Variants in GFY observed in about 807,000 individuals in gnomAD.
The protein encoded by GFY is Golgi-associated olfactory signaling regulator.
A neutral mutation model predicts 29.1 loss-of-function variants in GFY; 28 were observed. The ratio of observed to expected loss-of-function variants is 0.96; its 90% confidence interval spans 0.71 to 1.32. The LOEUF (loss-of-function observed/expected upper bound fraction) is 1.32. Ranked by LOEUF, GFY falls within the 40% of genes most tolerant of loss-of-function variation. The pLI is 0.00. For synonymous variants in GFY, 277 were observed against 274.5 expected, an observed-to-expected ratio of 1.01 and a Z score of -0.09; for missense variants, 656 against 661.9, an observed-to-expected ratio of 0.99 and a Z score of 0.10.
In GFY at chr19:49,426,473, G is replaced by A. The variant is rs919159493; in HGVS notation, c.43G>A (p.Ala15Thr). ...SRILFLVFLL[A>T]GLRSKAAPSA... ...GATCCTCTTCCTCGTCTTCCTCCTC[G>A]CCGGCCTGAGGTCCAAGGCCGCTCC... Residue 15 changes from alanine to threonine, a missense_variant, in exon 2 of 4, where the codon GCC becomes ACC. Ala to Thr is a moderately conservative substitution (Grantham distance 58). Coordinates refer to ENST00000610896, the MANE Select transcript of GFY (RefSeq NM_001195256.2). 2 of 1,535,640 alleles carry A rather than the reference G, an allele frequency of 1.3e-6. No homozygotes were observed. The highest frequency in any genetic ancestry group is 1.2e-5 in the South Asian group (1 of 84,046).
At position 49,428,729 on chromosome 19, in the gene GFY, C is replaced by T; in HGVS notation, c.1468C>T (p.Pro490Ser). 6.5e-7 allele frequency: 1 copy of T among 1,528,074 alleles called. No individual in the cohort carries two copies. The highest frequency in any genetic ancestry group is 8.8e-7 in the Non-Finnish European group (1 of 1,142,766). The allele number at this position is 1,528,074 out of a possible 1,614,324, so 94.7% of individuals were successfully genotyped here. The change falls in exon 4 of 4, where the codon CCA (proline) becomes TCA (serine). Residue 490 changes from proline to serine, a missense_variant. Transcript: ENST00000610896. The stretch of plus-strand genomic sequence containing the variant: ...GCAGCCCCCGCCCACACCTCCTCTG[C>T]CACCAAAGCTGCCCCCGCCGCCCCG... ...TKQPPPTPPL[P>S]PKLPPPPRGG...
Position 49,428,757 on chromosome 19 carries a change from G to C in GFY, c.1496G>C (p.Gly499Ala). The C allele has an allele frequency of 6.6e-7, 1 of 1,514,880 alleles. No individual in the cohort carries two copies. The allele number at this position is 1,514,880 out of a possible 1,614,324, so 93.8% of individuals were successfully genotyped here. Residue 499 changes from glycine to alanine, a missense_variant, in exon 4 of 4, where the codon GGG becomes GCG. By Grantham distance (60) the Gly-to-Ala change is moderately conservative. Coordinates refer to ENST00000610896, the MANE Select transcript of GFY (RefSeq NM_001195256.2). Reference protein sequence around the residue: ...LPPKLPPPPRGGRPQRLEALS... With the variant: ...LPPKLPPPPRAGRPQRLEALS... ...CCAAAGCTGCCCCCGCCGCCCCGCG[G>C]GGGTCGCCCGCAGCGTCTGGAGGCC...
chr19:49,426,989 C>T lies in GFY; in HGVS notation c.559C>T (p.Leu187Phe), dbSNP rs933417663. 4 of 1,535,774 alleles carry T rather than the reference C, an allele frequency of 2.6e-6. No individual in the cohort carries two copies. Among genetic ancestry groups the T allele is most frequent in the African/African-American group, 2.7e-5 (2 of 72,914 alleles). Residue 187 changes from leucine (L) to phenylalanine (F), a missense_variant, in exon 2 of 4, where the codon CTT becomes TTT. Coordinates refer to ENST00000610896, the MANE Select transcript of GFY (RefSeq NM_001195256.2). Reference protein sequence around the residue: ...TPQESPEILQLNATEVSQAEL... With the variant: ...TPQESPEILQFNATEVSQAEL... ...CCAAGAATCCCCAGAGATTCTGCAG[C>T]TTAATGCCACTGAAGTCTCACAGGC...
In GFY at chr19:49,426,743, C is replaced by A; in HGVS notation, c.313C>A (p.Pro105Thr). ...CCCGCACCCAGAGTCTCCTGAGACC[C>A]CCAAAGCTGACTCACTCACAACCTC... ...ETPHPESPET[P>T]KADSLTTSIS... The change falls in exon 2 of 4, where the codon CCC becomes ACC. Residue 105 changes from proline (P) to threonine (T), a missense_variant. Physicochemically the swap from Pro to Thr is conservative, Grantham distance 38. Coordinates refer to ENST00000610896, the MANE Select transcript of GFY (RefSeq NM_001195256.2). The A allele has an allele frequency of 2.6e-6, 4 of 1,535,900 alleles. No homozygotes were observed. Among genetic ancestry groups the A allele is most frequent in the Non-Finnish European group, 3.5e-6 (4 of 1,146,836 alleles).
chr19:49,427,300 G>A lies in GFY; in HGVS notation c.870G>A (p.Val290=). Residue 290 remains valine, a synonymous_variant, in exon 2 of 4, where the codon GTG becomes GTA. Transcript: ENST00000610896. ...ISTSLYPETP[V]PFKDDATALN... ...CTAGTCTCTACCCAGAAACACCTGT[G>A]CCCTTCAAGGATGACGCCACTGCTC... The A allele has an allele frequency of 6.5e-7, 1 of 1,536,174 alleles. No individual in the cohort carries two copies. Among genetic ancestry groups the A allele is most frequent in the Non-Finnish European group, 8.7e-7 (1 of 1,146,914 alleles).
At chr19:49,428,585 G>A (rs556553274) in intron 3 of GFY, 34 bp from the exon 4 acceptor site, 187 of 1,422,288 alleles carry the variant, frequency 1.3e-4, no homozygotes, top group African/African-American at 3.9e-4. Context: ...TGGAGGGTCA[G>A]CCCAGAGATG....
At position 49,426,768 on chromosome 19, in the gene GFY, C is replaced by T; in HGVS notation, c.338C>T (p.Ser113Leu). 6.5e-7 allele frequency: 1 copy of T among 1,535,872 alleles called. No homozygotes were observed. Among genetic ancestry groups the T allele is most frequent in the Non-Finnish European group, 8.7e-7 (1 of 1,146,842 alleles). Residue 113 changes from serine (S) to leucine (L), a missense_variant, in exon 2 of 4, where the codon TCA (serine) becomes TTA (leucine). Coordinates refer to ENST00000610896, the MANE Select transcript of GFY (RefSeq NM_001195256.2). ...CCCAAAGCTGACTCACTCACAACCTCAATATCAGAATCCCTGGACATGCCC... is the reference window on the plus strand; with the variant it reads ...CCCAAAGCTGACTCACTCACAACCTTAATATCAGAATCCCTGGACATGCCC... ...ETPKADSLTT[S>L]ISESLDMPKT...
At chr19:49,426,154 C>A (rs956514892) in intron 1 of GFY, among the ~76,000 whole-genome samples, 4 of 152,220 alleles carry the variant, frequency 2.6e-5, no homozygotes, top group Admixed American at 2.6e-4. Flanking sequence ...TTTTCTAGGA[C>A]CCCTCGCTGA....
In GFY at chr19:49,427,077, A is replaced by G. The variant is rs1975083268; in HGVS notation, c.647A>G (p.Lys216Arg). The change falls in exon 2 of 4, where the codon AAG (lysine) becomes AGG (arginine). Residue 216 changes from lysine (K) to arginine (R), a missense_variant. Transcript: ENST00000610896. ...TKTPDPKSPE[K>R]HDLNSTETPN... The stretch of plus-strand genomic sequence containing the variant: ...ACCCCTGACCCCAAATCCCCAGAAA[A>G]GCATGACCTCAACTCCACTGAGACC... 1 of 1,535,192 alleles carries G rather than the reference A, an allele frequency of 6.5e-7. No individual in the cohort carries two copies.
Position 49,427,576 on chromosome 19 carries a change from C to T in GFY, c.1146C>T (p.Val382=), listed in dbSNP as rs1456044237. 2.9e-5 allele frequency: 43 copies of T among 1,489,412 alleles called. No homozygotes were observed. Among genetic ancestry groups the T allele is most frequent in the Non-Finnish European group, 3.8e-5 (43 of 1,126,730 alleles). The allele number at this position is 1,489,412 out of a possible 1,614,324, so 92.3% of individuals were successfully genotyped here. ...AGAGGCACAGCCGAGGTGAGGGAGT[C>T]AACACCATCATCGTGGTGGAGCGAG... ...APQRHSRGEG[V]NTIIVVERVK... is the part of the protein sequence containing the mutation. Residue 382 remains valine (V), a synonymous_variant, in exon 2 of 4, where the codon GTC becomes GTT. Transcript: ENST00000610896.
chr19:49,428,143 C>A, intron 3 of GFY, 24 bp downstream of exon 3: 2 of 1,519,206 alleles, frequency 1.3e-6, no homozygotes, highest in Non-Finnish European at 1.8e-6. Context: ...CCCTTGAATG[C>A]CTGCACTTTT....
rs1568631926 is a variant in GFY, at chr19:49,427,548, C to T, written c.1118C>T (p.Pro373Leu). The T allele has an allele frequency of 1.3e-6, 2 of 1,509,826 alleles. No individual in the cohort carries two copies. Among genetic ancestry groups the T allele is most frequent in the South Asian group, 1.3e-5 (1 of 79,168 alleles). 93.5% of individuals were successfully genotyped at this position (1,509,826 alleles called of 1,614,324 possible). ...SQLAPATLRAPQRHSRGEGVN... is the reference protein window; with the variant it reads ...SQLAPATLRALQRHSRGEGVN... ...TTGGCCCCTGCCACTCTGCGGGCAC[C>T]CCAGAGGCACAGCCGAGGTGAGGGA... The change falls in exon 2 of 4, where the codon CCC (proline) becomes CTC (leucine). Residue 373 changes from proline (P) to leucine (L), a missense_variant. By Grantham distance (98) the Pro-to-Leu change is moderately conservative (BLOSUM62 -3). Transcript: ENST00000610896.
intron 2 of GFY, 24 bp downstream of exon 2, chr19:49,427,637 T>C (rs1975092193): frequency 2.5e-6 from 3 of 1,207,752 alleles, no homozygotes; most frequent in Non-Finnish European, 3.1e-6. Flanking sequence ...GCCGGACTCC[T>C]GAGTCTGAGG....
upstream of GFY, among the ~76,000 whole-genome samples, chr19:49,424,573 G>A (rs768176538): frequency 1.1e-4 from 16 of 149,860 alleles, no homozygotes; most frequent in East Asian, 2.1e-4. Flanking sequence ...GGCCTCAGCC[G>A]GGTGCTGTGG....
Position 49,428,759 on chromosome 19 carries a change from GGTCGCCCGCAGCGTCTGGAGGCCCT to G in GFY, c.1502_1526del (p.Arg501ProfsTer?). 1.3e-6 allele frequency: 2 copies of G among 1,514,002 alleles called. No individual in the cohort carries two copies. The highest frequency in any genetic ancestry group is 1.8e-6 in the Non-Finnish European group (2 of 1,136,248). The allele number at this position is 1,514,002 out of a possible 1,614,324, so 93.8% of individuals were successfully genotyped here. A position where few individuals can be genotyped will look rare whatever the true frequency, so the allele number is the denominator to read the frequency against. ...AAAGCTGCCCCCGCCGCCCCGCGGGGGTCGCCCGCAGCGTCTGGAGGCCCTGTCCCCCGCCACGCTCCCCAACAAC... is the reference window on the plus strand; with the variant it reads ...AAAGCTGCCCCCGCCGCCCCGCGGGGGTCCCCCGCCACGCTCCCCAACAAC... On this transcript the variant is annotated frameshift_variant, in exon 4 of 4. Transcript: ENST00000610896. LOFTEE classifies it high-confidence loss of function.
At position 49,427,982 on chromosome 19, in the gene GFY, G is replaced by A. The variant is rs1975098714; in HGVS notation, c.1220G>A (p.Gly407Asp). Reference sequence around the variant, plus strand: ...GTGGGGCGACCACGTGGCGCAGCAGGCGGGGCCCTCTGCCTGTTCTTCGCG... The same window carrying A: ...GTGGGGCGACCACGTGGCGCAGCAGACGGGGCCCTCTGCCTGTTCTTCGCG... ...TLVGRPRGAA[G>D]GALCLFFAGT... is the part of the protein sequence containing the mutation. The change falls in exon 3 of 4, where the codon GGC (glycine) becomes GAC (aspartate). Residue 407 changes from glycine to aspartate, a missense_variant. Physicochemically the swap from Gly to Asp is moderately conservative, Grantham distance 94. Coordinates refer to ENST00000610896, the MANE Select transcript of GFY (RefSeq NM_001195256.2). 6.5e-7 allele frequency: 1 copy of A among 1,535,514 alleles called. No homozygotes were observed. The highest frequency in any genetic ancestry group is 1.4e-5 in the African/African-American group (1 of 73,052).
At chr19:49,427,909 G>A (rs1412518604) in intron 2 of GFY, 37 bp from the exon 3 acceptor site, 2 of 1,513,682 alleles carry the variant, frequency 1.3e-6, no homozygotes, top group Non-Finnish European at 1.8e-6. Context: ...GAGAGAGGAG[G>A]GGGTTAGGAG....
Position 49,427,409 on chromosome 19 carries a change from C to A in GFY, c.979C>A (p.Pro327Thr). The part of the protein sequence containing the change: ...DSPKLPTSDS[P>T]GMVELKAPQN... ...CCCAAAATTGCCCACTTCAGATTCTCCAGGAATGGTTGAGCTGAAGGCCCC... is the reference window on the plus strand; with the variant it reads ...CCCAAAATTGCCCACTTCAGATTCTACAGGAATGGTTGAGCTGAAGGCCCC... The change falls in exon 2 of 4, where the codon CCA (proline) becomes ACA (threonine). Residue 327 changes from proline (P) to threonine (T), a missense_variant. By Grantham distance (38) the Pro-to-Thr change is conservative. Transcript: ENST00000610896. 6.5e-7 allele frequency: 1 copy of A among 1,535,896 alleles called. No homozygotes were observed. The highest frequency in any genetic ancestry group is 8.7e-7 in the Non-Finnish European group (1 of 1,146,756).
chr19:49,426,446 C>T lies in GFY; in HGVS notation c.16C>T (p.Arg6Trp), dbSNP rs2068497871. Residue 6 changes from arginine (R) to tryptophan (W), a missense_variant, in exon 2 of 4, where the codon CGG becomes TGG. Transcript: ENST00000610896. MKSFS[R>W]ILFLVFLLAG... ...TGCCAGAGCTATGAAATCATTCAGCCGGATCCTCTTCCTCGTCTTCCTCCT... is the reference window on the plus strand; with the variant it reads ...TGCCAGAGCTATGAAATCATTCAGCTGGATCCTCTTCCTCGTCTTCCTCCT... 4 of 1,535,088 alleles carry T rather than the reference C, an allele frequency of 2.6e-6. No homozygotes were observed. The highest frequency in any genetic ancestry group is 3.5e-6 in the Non-Finnish European group (4 of 1,146,252).
Sources: gnomAD v4.1 joint callset for allele counts (sites outside exome capture counted in the v4.1 genomes callset) on GRCh38, gnomAD v4.1.1 for gene constraint, MANE v1.5 for transcripts, NCBI Gene and HGNC (gene_info 2026-07-23, HGNC 2026-07-21) for gene names.